RGL1: variants seen among roughly 807,000 people sequenced by gnomAD.
The protein encoded by RGL1 is ral guanine nucleotide dissociation stimulator like 1, also known as ral guanine nucleotide dissociation stimulator-like 1.
RGL1 carries 24 observed loss-of-function variants against 95.2 expected under a neutral mutation model. The observed-to-expected ratio is 0.25, with a 90% confidence interval of 0.18 to 0.35. RGL1 has a LOEUF of 0.35. RGL1 is among the 10% of genes least tolerant of loss of function. RGL1 has a pLI of 1.00. For synonymous variants in RGL1, 329 were observed against 344.9 expected (o/e 0.95, Z 0.51); for missense variants, 715 against 936.3 (o/e 0.76, Z 3.08).
intron 1 of RGL1, among the ~76,000 whole-genome samples, chr1:183,654,115 G>A (rs1650969895): frequency 6.6e-6 from 1 of 152,098 alleles, no homozygotes; most frequent in Admixed American, 6.5e-5. Context: ...TCGAAGCTTC[G>A]CCACGCCTGT....
intron 1 of RGL1, among the ~76,000 whole-genome samples, chr1:183,693,108 C>T (rs946383590): frequency 6.7e-6 from 1 of 149,492 alleles, no homozygotes; most frequent in Non-Finnish European, 1.5e-5. Flanking sequence ...GCGTGTGCCA[C>T]CACACCCGGC....
intron 10 of RGL1, among the ~76,000 whole-genome samples, chr1:183,899,906 T>A (rs1667919247): frequency 6.6e-6 from 1 of 152,240 alleles, no homozygotes; most frequent in African/African-American, 2.4e-5. Context: ...GTCAACACTT[T>A]TGAACAGATG....
At chr1:183,903,619 A>G (rs1668153271) in intron 12 of RGL1, among the ~76,000 whole-genome samples, 3 of 152,182 alleles carry the variant, frequency 2.0e-5, no homozygotes, top group Non-Finnish European at 4.4e-5. Context: ...CGTAAAGTTC[A>G]CAATCCAGGA....
chr1:183,743,054 C>G lies in RGL1; in HGVS notation c.132+765C>G, dbSNP rs115369602. On this transcript the variant is annotated intron_variant, in intron 2 of 18. Coordinates refer to the RGL1 transcript ENST00000304685. ...GGAGACAGGATCTTGCTCTTCTGTC[C>G]AGGCTAGAGTGCAGTGGCACAGTCA... Among the ~76,000 whole-genome samples the G allele has an allele frequency of 8.1e-3, 1,232 of 152,104 alleles. 19 individuals are homozygous for G. The highest frequency in any genetic ancestry group is 0.027 in the African/African-American group (1,140 of 41,492).
intron 3 of RGL1, among the ~76,000 whole-genome samples, chr1:183,858,386 T>C (rs370409372): frequency 2.0e-5 from 3 of 152,298 alleles, no homozygotes; most frequent in African/African-American, 4.8e-5. Context: ...TAAATTCATC[T>C]AGAGACCCTG....
intron 2 of RGL1, among the ~76,000 whole-genome samples, chr1:183,814,340 C>T (rs1335496960): frequency 6.6e-6 from 1 of 152,076 alleles, no homozygotes; most frequent in Non-Finnish European, 1.5e-5. Context: ...CTCAAAACCA[C>T]CTTCTCCTTT....
At chr1:183,875,424 CT>C (rs1471041511) in intron 4 of RGL1, among the ~76,000 whole-genome samples, 17 of 152,194 alleles carry the variant, frequency 1.1e-4, no homozygotes, top group Admixed American at 1.1e-3. Context: ...CGCATAATCG[CT>C]GCCTAAATGC....
intron 1 of RGL1, among the ~76,000 whole-genome samples, chr1:183,661,176 A>C (rs1350547929): frequency 6.6e-6 from 1 of 152,220 alleles, no homozygotes; most frequent in African/African-American, 2.4e-5. Context: ...AGACATTCAA[A>C]AGCTAGCAGA....
chr1:183,733,001 A>G (rs2102234156), intron 1 of RGL1, among the ~76,000 whole-genome samples: 1 of 152,298 alleles, frequency 6.6e-6, no homozygotes, highest in South Asian at 2.1e-4. Context: ...TCCTTAATGG[A>G]CTATCGAGGT....
intron 1 of RGL1, among the ~76,000 whole-genome samples, chr1:183,645,996 T>A (rs924510761): frequency 6.6e-6 from 1 of 152,230 alleles, no homozygotes; most frequent in South Asian, 2.1e-4. Flanking sequence ...CAGTTCATCA[T>A]CTATTTCAGA....
rs75700854 is a variant in RGL1, at chr1:183,789,800, G to A, written c.133-16575G>A. On this transcript the variant is annotated intron_variant, in intron 2 of 18. Transcript: ENST00000304685. ...ATCCAGAGATAGGCAGTCATGGACA[G>A]GTATGGCAGCTTTGTTCTTTAGGAT... Among the ~76,000 whole-genome samples the A allele has an allele frequency of 4.2e-3, 636 of 152,088 alleles. 4 individuals are homozygous for A. The highest frequency in any genetic ancestry group is 0.014 in the African/African-American group (601 of 41,554).
chr1:183,676,605 G>C (rs1652843577), intron 1 of RGL1, among the ~76,000 whole-genome samples: 1 of 151,306 alleles, frequency 6.6e-6, no homozygotes, highest in Non-Finnish European at 1.5e-5. Context: ...GAACTACCCT[G>C]TTCTTGGTTA....
intron 2 of RGL1, among the ~76,000 whole-genome samples, chr1:183,846,827 C>T (rs1664476467): frequency 6.6e-6 from 1 of 151,992 alleles, no homozygotes; most frequent in South Asian, 2.1e-4. Context: ...TTGCAGTGAG[C>T]CAAGATCACA....
intron 1 of RGL1, among the ~76,000 whole-genome samples, chr1:183,644,011 A>C (rs867037830): frequency 6.6e-6 from 1 of 152,100 alleles, no homozygotes; most frequent in East Asian, 1.9e-4. Flanking sequence ...AGAACCTACT[A>C]AAGTTTTCCA....
intron 1 of RGL1, among the ~76,000 whole-genome samples, chr1:183,691,668 A>G (rs10911408): frequency 0.081 from 12,273 of 152,174 alleles, 897 homozygotes; most frequent in African/African-American, 0.2. Context: ...TGTTGAGAGA[A>G]TGAATAGGTA....
intron 1 of RGL1, among the ~76,000 whole-genome samples, chr1:183,722,408 G>T (rs750634642): frequency 1.3e-5 from 2 of 151,944 alleles, no homozygotes; most frequent in African/African-American, 2.4e-5. Context: ...AGAGAACAGA[G>T]ATAATATTTA....
chr1:183,900,510 T>C (rs1667954361), intron 11 of RGL1, among the ~76,000 whole-genome samples: 1 of 152,110 alleles, frequency 6.6e-6, no homozygotes, highest in African/African-American at 2.4e-5. Context: ...TGACAATTAT[T>C]ATTATTTTTT....
intron 2 of RGL1, among the ~76,000 whole-genome samples, chr1:183,773,176 C>T (rs1659391964): frequency 6.6e-6 from 1 of 152,044 alleles, no homozygotes; most frequent in Non-Finnish European, 1.5e-5. Context: ...ACATTATGTG[C>T]CCTTATCATT....
intron 2 of RGL1, among the ~76,000 whole-genome samples, chr1:183,826,113 G>A (rs946158987): frequency 6.6e-6 from 1 of 151,390 alleles, no homozygotes; most frequent in African/African-American, 2.4e-5. Context: ...GAGTGCAGTG[G>A]TGCGATCTTG....
Sources: allele counts gnomAD v4.1 joint callset (sites outside exome capture counted in the v4.1 genomes callset), GRCh38; gene constraint gnomAD v4.1.1; transcripts MANE v1.5; gene names NCBI Gene and HGNC (gene_info 2026-07-23, HGNC 2026-07-21).